Variants in GPHN observed in about 807,000 individuals in gnomAD.
GPHN encodes the protein gephyrin.
GPHN carries 17 observed loss-of-function variants against 95.5 expected under a neutral mutation model. The ratio of observed to expected loss-of-function variants is 0.18; its 90% confidence interval spans 0.12 to 0.27. The LOEUF is 0.27. Ranked by LOEUF, GPHN falls within the 10% of genes least tolerant of loss-of-function variation. The pLI, the probability that GPHN is intolerant of heterozygous loss-of-function variation, is 1.00. For synonymous variants in GPHN, 320 were observed against 322.5 expected (o/e 0.99, Z 0.08); for missense variants, 660 against 978.1 (o/e 0.67, Z 4.34).
the GPHN span, among the ~76,000 whole-genome samples, chr14:67,501,745 C>A: frequency 6.6e-6 from 1 of 152,116 alleles, no homozygotes; most frequent in East Asian, 1.9e-4. Context: ...TATCTAAGAG[C>A]CTTGGAATTC....
the GPHN span, among the ~76,000 whole-genome samples, chr14:67,441,155 C>T: frequency 6.6e-6 from 1 of 152,142 alleles, no homozygotes; most frequent in Non-Finnish European, 1.5e-5. Flanking sequence ...AAAGAGATTT[C>T]CCAGCTGTGG....
At chr14:66,979,223 A>T (rs1440531679) in intron 9 of GPHN, among the ~76,000 whole-genome samples, 1 of 152,196 alleles carries the variant, frequency 6.6e-6, no homozygotes, top group Non-Finnish European at 1.5e-5. Flanking sequence ...ATAGTCATCC[A>T]GTCCTTTTAA....
chr14:67,646,920 GTTTTA>G, the GPHN span: 2 of 1,579,292 alleles, frequency 1.3e-6, no homozygotes. Flanking sequence ...TCTCATCACA[GTTTTA>G]TTTTAAAGAA....
chr14:67,144,062 C>G (rs530921448), intron 18 of GPHN, among the ~76,000 whole-genome samples: 1 of 149,764 alleles, frequency 6.7e-6, no homozygotes, highest in Admixed American at 6.7e-5. Context: ...GTGGTGAAAC[C>G]CCATCTCTAC....
Position 66,837,681 on chromosome 14 carries a change from C to G in GPHN, c.294+13115C>G, listed in dbSNP as rs372988175. On this transcript the variant is annotated intron_variant, in intron 4 of 22. Transcript: ENST00000478722. The stretch of plus-strand genomic sequence containing the variant: ...AAAAGACTGTTAAGTTGAAAGGGTC[C>G]TATTCCACACAGTAGCACTAAAGAG... Among the ~76,000 whole-genome samples, 66 of 150,588 alleles carry G rather than the reference C, an allele frequency of 4.4e-4. 1 individual carries two copies. The East Asian group carries it at 0.01, about 24-fold the overall frequency.
the GPHN span, chr14:67,577,363 C>A: frequency 6.3e-7 from 1 of 1,591,540 alleles, no homozygotes; most frequent in Admixed American, 1.7e-5. Context: ...ACGCCTCCCT[C>A]ACCACCCTGC....
chr14:67,347,329 A>C, the GPHN span: 1 of 1,184,948 alleles, frequency 8.4e-7, no homozygotes, highest in Non-Finnish European at 1.2e-6. Context: ...ATCTAGCACC[A>C]TTTTCCAGAA....
chr14:67,351,635 A>G, the GPHN span, among the ~76,000 whole-genome samples: 2 of 152,068 alleles, frequency 1.3e-5, no homozygotes, highest in African/African-American at 4.8e-5. Flanking sequence ...CAGGCTCCCA[A>G]GTAGCTGGGA....
chr14:67,581,175 T>C, the GPHN span: 1 of 631,786 alleles, frequency 1.6e-6, no homozygotes, highest in East Asian at 2.7e-5. Context: ...AGTCACTAGC[T>C]GGGGTGCAGG....
At chr14:66,882,672 C>A (rs143485491) in intron 5 of GPHN, among the ~76,000 whole-genome samples, 1 of 151,536 alleles carries the variant, frequency 6.6e-6, no homozygotes, top group Non-Finnish European at 1.5e-5. Context: ...AAAACTGACT[C>A]GTAGTAACTC....
In GPHN at chr14:67,143,402, C is replaced by T. The variant is rs1360125120; in HGVS notation, c.1789C>T (p.Arg597Cys). The T allele has an allele frequency of 1.2e-6, 2 of 1,611,072 alleles. No individual in the cohort carries two copies. The highest frequency in any genetic ancestry group is 1.7e-5 in the Admixed American group (1 of 59,998). ...LLNALNEGIS[R>C]ADVIITSGGV... ...CAATGCCTTGAATGAGGGTATCAGT[C>T]GTGCTGATGTCATCATCACATCAGG... Residue 597 changes from arginine to cysteine, a missense_variant, in exon 18 of 23, where the codon CGT becomes TGT. By Grantham distance (180) the Arg-to-Cys change is radical. Coordinates refer to ENST00000478722, the MANE Select transcript of GPHN (RefSeq NM_020806.5).
At chr14:66,668,776 T>C (rs1315774150) in intron 1 of GPHN, among the ~76,000 whole-genome samples, 1 of 152,214 alleles carries the variant, frequency 6.6e-6, no homozygotes, top group East Asian at 1.9e-4. Context: ...CCTGCACTTG[T>C]ACCCGTGAAC....
At chr14:67,647,855 T>G in the GPHN span, 1 of 602,800 alleles carries the variant, frequency 1.7e-6, no homozygotes. Context: ...AAGTGGTATG[T>G]AGGAAGTTAA....
intron 2 of GPHN, among the ~76,000 whole-genome samples, chr14:66,682,395 C>T (rs1385427605): frequency 6.6e-6 from 1 of 152,128 alleles, no homozygotes; most frequent in Non-Finnish European, 1.5e-5. Context: ...GTTCTACTAT[C>T]CTTATGGATA....
chr14:67,659,833 A>C, the GPHN span: 1 of 1,614,214 alleles, frequency 6.2e-7, no homozygotes, highest in Non-Finnish European at 8.5e-7. Context: ...GGAGTTTAGC[A>C]AGGTCCTTCC....
rs1438837338 is a variant in GPHN, at chr14:66,508,189, G to T, written c.-339G>T. 2 of 489,772 alleles carry T rather than the reference G, an allele frequency of 4.1e-6. No homozygotes were observed. The highest frequency in any genetic ancestry group is 7.5e-6 in the Non-Finnish European group (2 of 267,288). The allele number at this position is 489,772 out of a possible 1,614,324, so 30.3% of individuals were successfully genotyped here. A position where few individuals can be genotyped will look rare whatever the true frequency, so the allele number is the denominator to read the frequency against. Reference sequence around the variant, plus strand: ...GCCATCTAGCTGCCTTGGGTCTCGCGCTCCGCAGAGCGTTCCGACACTCTC... The same window carrying T: ...GCCATCTAGCTGCCTTGGGTCTCGCTCTCCGCAGAGCGTTCCGACACTCTC... On this transcript the variant is annotated 5_prime_UTR_variant, in exon 1 of 23. Coordinates refer to ENST00000478722, the MANE Select transcript of GPHN (RefSeq NM_020806.5).
intron 8 of GPHN, among the ~76,000 whole-genome samples, chr14:66,950,836 A>T (rs950718026): frequency 1.3e-5 from 2 of 152,244 alleles, no homozygotes; most frequent in East Asian, 3.9e-4. Context: ...CATTTTTATC[A>T]TTTTGAAGGG....
the GPHN span, chr14:67,254,156 A>G: frequency 7.2e-6 from 1 of 138,316 alleles, no homozygotes. Context: ...CTTATCTGAT[A>G]TCTATACTAG....
chr14:67,480,119 C>T, the GPHN span, among the ~76,000 whole-genome samples: 22 of 152,320 alleles, frequency 1.4e-4, no homozygotes, highest in Non-Finnish European at 2.4e-4. Context: ...TAAAATACAG[C>T]TAAGGCTCCA....
Sources: allele counts gnomAD v4.1 joint callset (sites outside exome capture counted in the v4.1 genomes callset), GRCh38; gene constraint gnomAD v4.1.1; transcripts MANE v1.5; gene names NCBI Gene and HGNC (gene_info 2026-07-23, HGNC 2026-07-21).